Variants in NRXN1 observed in about 807,000 individuals in gnomAD.
The protein encoded by NRXN1 is neurexin 1.
In NRXN1, 39 loss-of-function variants were observed where a neutral mutation model predicts 150.9. The observed-to-expected ratio is 0.26, with a 90% CI of 0.20 to 0.34. The LOEUF is 0.34. Among genes scored for constraint, NRXN1 ranks in the 10% least tolerant of loss-of-function variants. The pLI, the probability that NRXN1 is intolerant of heterozygous loss-of-function variation, is 1.00. For synonymous variants in NRXN1, 924 were observed against 757.0 expected (o/e 1.22, Z -3.62); for missense variants, 1,815 against 1,949.9 (o/e 0.93, Z 1.30).
chr2:50,750,056 G>C (rs940255588), intron 5 of NRXN1, among the ~76,000 whole-genome samples: 1 of 152,062 alleles, frequency 6.6e-6, no homozygotes, highest in African/African-American at 2.4e-5. Context: ...AGATGCAGAA[G>C]TAAGATATGC....
chr2:50,721,161 G>T (rs968309599), intron 5 of NRXN1, among the ~76,000 whole-genome samples: 2 of 151,908 alleles, frequency 1.3e-5, no homozygotes, highest in East Asian at 3.9e-4. Flanking sequence ...GGCTTCCAAG[G>T]ACAGCTCACA....
Position 50,877,240 on chromosome 2 carries a change from T to C in NRXN1, c.832+44629A>G, listed in dbSNP as rs1338823754. 2.0e-5 allele frequency among the ~76,000 whole-genome samples: 3 copies of C among 151,632 alleles called. No individual in the cohort carries two copies. In the South Asian group the frequency reaches 6.2e-4, roughly 31 times the overall value. ...ATACACACATACACACATACATATCTACACACAGTTTGCAGTTTATTTTTT... is the reference window on the plus strand; with the variant it reads ...ATACACACATACACACATACATATCCACACACAGTTTGCAGTTTATTTTTT... On this transcript the variant is annotated intron_variant, in intron 5 of 22. Transcript: ENST00000401669.
At chr2:50,927,334 G>A (rs1687058084) in intron 2 of NRXN1, among the ~76,000 whole-genome samples, 1 of 152,030 alleles carries the variant, frequency 6.6e-6, no homozygotes, top group South Asian at 2.1e-4. Flanking sequence ...TGTGGTGTTA[G>A]CATGTAATAG....
intron 5 of NRXN1, among the ~76,000 whole-genome samples, chr2:50,743,345 G>A (rs1699663276): frequency 6.6e-6 from 1 of 152,050 alleles, no homozygotes; most frequent in Admixed American, 6.6e-5. Flanking sequence ...AAATTAATAA[G>A]AAGATGTTAA....
intron 5 of NRXN1, among the ~76,000 whole-genome samples, chr2:50,766,443 T>C (rs952498716): frequency 2.0e-5 from 3 of 151,984 alleles, no homozygotes; most frequent in Non-Finnish European, 2.9e-5. Flanking sequence ...TCCTCAGTGA[T>C]TGGCAGGAGC....
rs555080087 is a variant in NRXN1 at position 50,249,083 on chromosome 2, G to A, written c.3365-12113C>T. Among the ~76,000 whole-genome samples, 15 of 150,102 alleles carry A rather than the reference G, an allele frequency of 1.0e-4. No individual in the cohort carries two copies. In the East Asian group the frequency reaches 2.9e-3, roughly 29 times the overall value. ...GAAGTTGGAGGATCACTTGAGCCCAGGAGTTTAAGGCTGCAGTGAGTTGTG... is the reference window on the plus strand; with the variant it reads ...GAAGTTGGAGGATCACTTGAGCCCAAGAGTTTAAGGCTGCAGTGAGTTGTG... On this transcript the variant is annotated intron_variant, in intron 17 of 22. Coordinates refer to ENST00000401669, the MANE Select transcript of NRXN1 (RefSeq NM_001330078.2).
chr2:50,319,487 G>T lies in NRXN1; in HGVS notation c.3365-82517C>A, dbSNP rs556212348. Among the ~76,000 whole-genome samples the T allele has an allele frequency of 2.0e-5, 3 of 152,110 alleles. No homozygotes were observed. In the South Asian group the frequency reaches 6.2e-4, roughly 32 times the overall value. On this transcript the variant is annotated intron_variant, in intron 17 of 22. Coordinates refer to ENST00000401669, the MANE Select transcript of NRXN1 (RefSeq NM_001330078.2). ...TGACTGACCTGCAGCAAAATTATTT[G>T]TTTTCATCGAAAAGGAAGGTGCCCT...
chr2:50,077,306 A>G (rs562020897), intron 19 of NRXN1, among the ~76,000 whole-genome samples: 1 of 152,242 alleles, frequency 6.6e-6, no homozygotes, highest in East Asian at 1.9e-4. Context: ...CTTCACCCCA[A>G]TGCTGGCGCA....
chr2:50,939,035 C>A (rs185511192), intron 2 of NRXN1, among the ~76,000 whole-genome samples: 21 of 151,786 alleles, frequency 1.4e-4, no homozygotes, highest in Middle Eastern at 3.4e-3. Context: ...CATGGTGAAA[C>A]CCTGTCTCTA....
chr2:50,109,284 C>CT (rs1558897087), intron 18 of NRXN1, among the ~76,000 whole-genome samples: 1 of 151,874 alleles, frequency 6.6e-6, no homozygotes, highest in African/African-American at 2.4e-5. Flanking sequence ...TCTTGCTTTA[C>CT]TTTCCTCATT....
At chr2:50,378,205 T>C (rs74790504) in intron 17 of NRXN1, among the ~76,000 whole-genome samples, 3,144 of 152,258 alleles carry the variant, frequency 0.021, 94 homozygotes, top group African/African-American at 0.071. Context: ...TGACCTTTCA[T>C]TTTTTGGGGT....
chr2:50,832,450 C>T (rs547683059), intron 5 of NRXN1, among the ~76,000 whole-genome samples: 154 of 152,168 alleles, frequency 1.0e-3, no homozygotes, highest in African/African-American at 3.4e-3. Flanking sequence ...GTCAGGAGTT[C>T]GAGATCCACC....
chr2:50,191,263 C>T (rs911702837), intron 18 of NRXN1, among the ~76,000 whole-genome samples: 2 of 149,446 alleles, frequency 1.3e-5, no homozygotes, highest in Middle Eastern at 3.4e-3. Context: ...TGATCTCTAA[C>T]TCCTGACCTC....
At chr2:50,263,400 C>A (rs529994613) in intron 17 of NRXN1, among the ~76,000 whole-genome samples, 44 of 152,134 alleles carry the variant, frequency 2.9e-4, no homozygotes, top group African/African-American at 1.0e-3. Context: ...GGACTTAGGG[C>A]AATCTCCCCT....
At chr2:50,563,418 T>C (rs897400890) in intron 8 of NRXN1, among the ~76,000 whole-genome samples, 1 of 152,216 alleles carries the variant, frequency 6.6e-6, no homozygotes, top group Non-Finnish European at 1.5e-5. Context: ...ACAGTGAATG[T>C]AGTTGTAAGT....
At chr2:50,297,132 AC>A (rs2073679361) in intron 17 of NRXN1, among the ~76,000 whole-genome samples, 1 of 150,846 alleles carries the variant, frequency 6.6e-6, no homozygotes, top group African/African-American at 2.4e-5. Context: ...CTTGTGATGC[AC>A]CCGCCTCAGC....
At chr2:51,002,257 T>C (rs1267629753) in intron 2 of NRXN1, among the ~76,000 whole-genome samples, 1 of 151,938 alleles carries the variant, frequency 6.6e-6, no homozygotes, top group Non-Finnish European at 1.5e-5. Context: ...AAAGGTATTT[T>C]TCCCCTCCTA....
At chr2:50,878,495 G>A (rs1435976824) in intron 5 of NRXN1, among the ~76,000 whole-genome samples, 2 of 151,836 alleles carry the variant, frequency 1.3e-5, no homozygotes. Context: ...TTTTGTTTTT[G>A]TTTTTTCCTC....
chr2:50,158,119 A>T (rs1232375824), intron 18 of NRXN1, among the ~76,000 whole-genome samples: 1 of 146,750 alleles, frequency 6.8e-6, no homozygotes, highest in Non-Finnish European at 1.5e-5. Flanking sequence ...AGGGGGAGTC[A>T]AATTAGAGGA....
Sources: allele counts gnomAD v4.1 joint callset (sites outside exome capture counted in the v4.1 genomes callset), GRCh38; gene constraint gnomAD v4.1.1; transcripts MANE v1.5; gene names NCBI Gene and HGNC (gene_info 2026-07-23, HGNC 2026-07-21).